The following ZBTB20 variants were observed in gnomAD, a reference collection of about 807,000 sequenced individuals.
The protein encoded by ZBTB20 is zinc finger and BTB domain containing 20.
In ZBTB20, 9 loss-of-function variants were observed where a neutral mutation model predicts 56.9. The observed-to-expected ratio is 0.16, with a 90% CI of 0.10 to 0.28. ZBTB20 has a LOEUF of 0.28. ZBTB20 is among the 10% of genes least tolerant of loss of function. The pLI is 1.00. For synonymous variants in ZBTB20, 417 were observed against 420.7 expected (o/e 0.99, Z 0.11); for missense variants, 655 against 1,003.0 (o/e 0.65, Z 4.69).
intron 3 of ZBTB20, among the ~76,000 whole-genome samples, chr3:114,972,295 A>G (rs183817047): frequency 1.3e-5 from 2 of 152,304 alleles, no homozygotes; most frequent in Non-Finnish European, 2.9e-5. Context: ...AAACAAACAC[A>G]CAAGAGGTCA....
At chr3:115,055,415 G>T (rs780289353) in intron 2 of ZBTB20, among the ~76,000 whole-genome samples, 1 of 152,026 alleles carries the variant, frequency 6.6e-6, no homozygotes, top group Non-Finnish European at 1.5e-5. Flanking sequence ...CCTACAAGAG[G>T]CTCTGAACTA....
chr3:114,350,812 C>T lies in ZBTB20; in HGVS notation c.1266G>A (p.Gln422=), dbSNP rs745669154. Residue 422 remains glutamine (Q), a synonymous_variant, in exon 11 of 12, where the codon CAG becomes CAA. Transcript: ENST00000675478. ...AAGCACCTGTTTCTAGCTGGTTTGT[C>T]TGCGGACCACCCTCAGCGGGGGCTT... The part of the protein sequence containing the change: ...AAEAPAEGGP[Q]TNQLETGASS... 1 of 1,613,818 alleles carries T rather than the reference C, an allele frequency of 6.2e-7. No homozygotes were observed. Among genetic ancestry groups the T allele is most frequent in the South Asian group, 1.1e-5 (1 of 91,082 alleles).
At chr3:114,459,060 A>C (rs2092194693) in intron 7 of ZBTB20, among the ~76,000 whole-genome samples, 1 of 152,206 alleles carries the variant, frequency 6.6e-6, no homozygotes, top group African/African-American at 2.4e-5. Flanking sequence ...TAAAGGGTTA[A>C]TTTATTTATT....
At chr3:114,910,496 G>T (rs189302019) in intron 3 of ZBTB20, among the ~76,000 whole-genome samples, 1 of 151,768 alleles carries the variant, frequency 6.6e-6, no homozygotes, top group Admixed American at 6.6e-5. Flanking sequence ...TTATGAGAAA[G>T]AAAAATTATT....
intron 2 of ZBTB20, among the ~76,000 whole-genome samples, chr3:115,033,923 C>T (rs1476604466): frequency 4.0e-5 from 6 of 151,634 alleles, no homozygotes; most frequent in East Asian, 3.9e-4. Context: ...TAGGATTTGT[C>T]GTTGAAATGC....
chr3:114,409,512 G>T (rs926911825), intron 7 of ZBTB20, among the ~76,000 whole-genome samples: 1 of 151,946 alleles, frequency 6.6e-6, no homozygotes, highest in Non-Finnish European at 1.5e-5. Flanking sequence ...CTGAAGGAAG[G>T]GGGTGGGGGA....
At position 114,748,338 on chromosome 3, in the gene ZBTB20, T is replaced by C. The variant is rs367853998; in HGVS notation, c.-343+52763A>G. Among the ~76,000 whole-genome samples, 32 of 59,572 alleles carry C rather than the reference T, an allele frequency of 5.4e-4. 1 individual carries two copies. The highest frequency in any genetic ancestry group is 1.5e-3 in the African/African-American group (29 of 19,488). The allele number at this position is 59,572 out of a possible 152,430, so 39.1% of individuals were successfully genotyped here. A position where few individuals can be genotyped will look rare whatever the true frequency, so the allele number is the denominator to read the frequency against. On this transcript the variant is annotated intron_variant, in intron 5 of 11. Transcript: ENST00000675478. ...TCTTTCTTTCTTTCTTTCTTTCTTCTTTCTTTCTTTCTTTTCTCTCTCTCT... is the reference window on the plus strand; with the variant it reads ...TCTTTCTTTCTTTCTTTCTTTCTTCCTTCTTTCTTTCTTTTCTCTCTCTCT...
At chr3:115,030,924 A>G (rs897116215) in intron 2 of ZBTB20, among the ~76,000 whole-genome samples, 4 of 151,370 alleles carry the variant, frequency 2.6e-5, no homozygotes, top group South Asian at 4.1e-4. Context: ...GATATCCTAC[A>G]AAGTGTTTGG....
chr3:114,320,381 A>G lies in ZBTB20; in HGVS notation c.*18624T>C, dbSNP rs2078851661. ...CATCTTTCTAAAGGAAATGACTAAC[A>G]AAAGTACAATACAATAGAATCAGGC... On this transcript the variant is annotated 3_prime_UTR_variant, in exon 12 of 12. Transcript: ENST00000675478. The G allele has an allele frequency of 6.6e-6, 1 of 152,244 alleles. No homozygotes were observed. The highest frequency in any genetic ancestry group is 2.4e-5 in the African/African-American group (1 of 41,468). The allele number at this position is 152,244 out of a possible 1,614,324, so 9.4% of individuals were successfully genotyped here.
At chr3:114,376,222 G>C (rs868493521) in intron 10 of ZBTB20, among the ~76,000 whole-genome samples, 3 of 152,226 alleles carry the variant, frequency 2.0e-5, no homozygotes, top group Middle Eastern at 3.4e-3. Context: ...TGTAGTTACA[G>C]GAAAAAAATC....
chr3:114,808,218 T>C (rs1457102334), intron 4 of ZBTB20, among the ~76,000 whole-genome samples: 3 of 152,112 alleles, frequency 2.0e-5, no homozygotes, highest in African/African-American at 4.8e-5. Flanking sequence ...TAGTCCATTT[T>C]ATCCAGCTAA....
rs1227000802 is a variant in ZBTB20 at position 114,316,957 on chromosome 3, G to A, written c.*22048C>T. 5.4e-5 allele frequency: 10 copies of A among 185,594 alleles called. No homozygotes were observed. The highest frequency in any genetic ancestry group is 9.1e-5 in the Non-Finnish European group (8 of 87,936). The allele number at this position is 185,594 out of a possible 1,614,324, so 11.5% of individuals were successfully genotyped here. A position where few individuals can be genotyped will look rare whatever the true frequency, so the allele number is the denominator to read the frequency against. ...AGGAAGAATGAAGTATTGTGTTTAC[G>A]TATCAAAATTGCTAACTTTGACTAT... On this transcript the variant is annotated 3_prime_UTR_variant, in exon 12 of 12. Coordinates refer to ENST00000675478, the MANE Select transcript of ZBTB20 (RefSeq NM_001348800.3).
chr3:114,928,610 CCACA>C (rs1029773109), intron 3 of ZBTB20, among the ~76,000 whole-genome samples: 3 of 152,120 alleles, frequency 2.0e-5, no homozygotes, highest in African/African-American at 7.2e-5. Context: ...ATGTAGACTC[CCACA>C]CACAATCTCA....
chr3:114,688,907 C>T (rs373510817), intron 6 of ZBTB20, among the ~76,000 whole-genome samples: 1 of 152,130 alleles, frequency 6.6e-6, no homozygotes, highest in African/African-American at 2.4e-5. Context: ...ACATACATAA[C>T]CAGTTCTCTA....
At chr3:114,776,488 A>G (rs1406241493) in intron 5 of ZBTB20, among the ~76,000 whole-genome samples, 1 of 152,222 alleles carries the variant, frequency 6.6e-6, no homozygotes, top group Non-Finnish European at 1.5e-5. Context: ...GAGGAAGGCA[A>G]AGAAAAGGAT....
intron 1 of ZBTB20, among the ~76,000 whole-genome samples, chr3:115,146,040 G>A (rs921720016): frequency 7.2e-5 from 11 of 152,144 alleles, no homozygotes; most frequent in African/African-American, 2.4e-4. Context: ...ATTTTCACAT[G>A]TCTAGAAAGG....
intron 5 of ZBTB20, among the ~76,000 whole-genome samples, chr3:114,752,847 C>T (rs1261848581): frequency 6.6e-6 from 1 of 151,986 alleles, no homozygotes; most frequent in Non-Finnish European, 1.5e-5. Context: ...GAAGATTGAC[C>T]CCATTACTTA....
intron 2 of ZBTB20, among the ~76,000 whole-genome samples, chr3:114,988,515 G>A (rs1280257685): frequency 6.6e-6 from 1 of 152,014 alleles, no homozygotes; most frequent in Non-Finnish European, 1.5e-5. Flanking sequence ...GGACATTTGG[G>A]TTGATTCCAA....
rs2084178334 is a variant in ZBTB20 at position 114,380,450 on chromosome 3, G to A, written c.12-46C>T. On this transcript the variant is annotated intron_variant, in intron 9 of 11. Transcript: ENST00000675478. ...CTTTGAAGGAACTGACTGCATATTT[G>A]GGAAAAGGCATTTTTAGAATCTGTT... 3.4e-6 allele frequency: 5 copies of A among 1,459,808 alleles called. No homozygotes were observed. In the East Asian group the frequency reaches 1.2e-4, roughly 36 times the overall value. The allele number at this position is 1,459,808 out of a possible 1,614,324, so 90.4% of individuals were successfully genotyped here. A position where few individuals can be genotyped will look rare whatever the true frequency, so the allele number is the denominator to read the frequency against.
Sources: gnomAD v4.1 joint callset for allele counts (sites outside exome capture counted in the v4.1 genomes callset) on GRCh38, gnomAD v4.1.1 for gene constraint, MANE v1.5 for transcripts, NCBI Gene and HGNC (gene_info 2026-07-23, HGNC 2026-07-21) for gene names.